The following SNTG2 variants were observed in gnomAD, a reference collection of about 807,000 sequenced individuals.
SNTG2 encodes gamma-2-syntrophin.
A neutral mutation model predicts 70.9 loss-of-function variants in SNTG2; 74 were observed. The ratio of observed to expected loss-of-function variants is 1.04; its 90% CI spans 0.86 to 1.27. The LOEUF is 1.27. Among genes scored for constraint, SNTG2 ranks in the 50% most tolerant of loss-of-function variants. The pLI is 0.00. For synonymous variants in SNTG2, 278 were observed against 273.8 expected, an observed-to-expected ratio of 1.02 and a Z score of -0.15; for missense variants, 717 against 690.7, an observed-to-expected ratio of 1.04 and a Z score of -0.43.
At chr2:1,295,577 G>A (rs945297185) in intron 14 of SNTG2, among the ~76,000 whole-genome samples, 1 of 152,212 alleles carries the variant, frequency 6.6e-6, no homozygotes, top group Non-Finnish European at 1.5e-5. Context: ...CCAATGTTTG[G>A]GTGGGAGGGG....
intron 15 of SNTG2, among the ~76,000 whole-genome samples, chr2:1,310,744 A>T (rs1054304829): frequency 2.6e-5 from 4 of 152,174 alleles, no homozygotes; most frequent in African/African-American, 9.7e-5. Flanking sequence ...ACAGTCAGGC[A>T]GAGCCGGGCT....
rs536497919 is a variant in SNTG2, at chr2:1,213,300, G to A, written c.719+4070G>A. On this transcript the variant is annotated intron_variant, in intron 9 of 16. Transcript: ENST00000308624. ...CTTACTCACTTAACATCATTGATTG[G>A]TCCTCAGAAACTGCAACTTGGAGTG... Among the ~76,000 whole-genome samples, 22 of 152,208 alleles carry A rather than the reference G, an allele frequency of 1.4e-4. 1 individual carries two copies. The South Asian group carries it at 4.4e-3, about 30-fold the overall frequency.
intron 16 of SNTG2, among the ~76,000 whole-genome samples, chr2:1,351,574 A>G (rs1284136245): frequency 6.6e-6 from 1 of 152,042 alleles, no homozygotes; most frequent in African/African-American, 2.4e-5. Context: ...TGACCCAACA[A>G]CTTCCAAATA....
intron 1 of SNTG2, among the ~76,000 whole-genome samples, chr2:1,053,013 AT>A (rs1235198630): frequency 6.6e-6 from 1 of 152,184 alleles, no homozygotes; most frequent in Non-Finnish European, 1.5e-5. Context: ...ATTTTCTGTT[AT>A]CTTTTTCTGG....
At chr2:1,190,495 C>CTATATATA (rs72001718) in intron 8 of SNTG2, among the ~76,000 whole-genome samples, 43 of 90,786 alleles carry the variant, frequency 4.7e-4, no homozygotes, top group Non-Finnish European at 5.1e-4. Flanking sequence ...GGAGGGCTGA[C>CTATATATA]TATATATATA....
At position 1,159,842 on chromosome 2, in the gene SNTG2, G is replaced by A. The variant is rs574518544; in HGVS notation, c.412-5706G>A. Among the ~76,000 whole-genome samples the A allele has an allele frequency of 2.6e-5, 4 of 152,322 alleles. 1 individual carries two copies. The highest frequency in any genetic ancestry group is 9.6e-5 in the African/African-American group (4 of 41,570). ...CGCAAGATGCAGAGGCCTCTGAAAA[G>A]ACTGATGAAGAAATATTAATTAAAA... On this transcript the variant is annotated intron_variant, in intron 6 of 16. Transcript: ENST00000308624.
chr2:967,930 C>T (rs1660622283), intron 1 of SNTG2, among the ~76,000 whole-genome samples: 1 of 152,000 alleles, frequency 6.6e-6, no homozygotes, highest in South Asian at 2.1e-4. Flanking sequence ...TCAGGAGAGG[C>T]AGGAGAATTG....
chr2:1,050,633 C>CT (rs1242334167), intron 1 of SNTG2, among the ~76,000 whole-genome samples: 1 of 152,172 alleles, frequency 6.6e-6, no homozygotes, highest in Non-Finnish European at 1.5e-5. Flanking sequence ...ATTTCCTTGA[C>CT]TATAGTTGGC....
intron 7 of SNTG2, among the ~76,000 whole-genome samples, chr2:1,171,755 G>A (rs1261016815): frequency 6.6e-6 from 1 of 152,160 alleles, no homozygotes; most frequent in Non-Finnish European, 1.5e-5. Context: ...AAAGGAATAT[G>A]GTATGAAGTG....
intron 6 of SNTG2, among the ~76,000 whole-genome samples, chr2:1,153,269 T>C (rs1295465245): frequency 6.6e-6 from 1 of 152,232 alleles, no homozygotes; most frequent in Admixed American, 6.5e-5. Flanking sequence ...ATCCATTTTT[T>C]TATTATACTT....
At chr2:1,071,527 G>A (rs1663551112) in intron 1 of SNTG2, among the ~76,000 whole-genome samples, 1 of 148,752 alleles carries the variant, frequency 6.7e-6, no homozygotes, top group Non-Finnish European at 1.5e-5. Context: ...GGGAGGGATA[G>A]CACTGGGAGA....
chr2:1,097,686 A>C lies in SNTG2; in HGVS notation c.211-510A>C, dbSNP rs1665485193. On this transcript the variant is annotated intron_variant, in intron 2 of 16. Transcript: ENST00000308624. This position sits in a 1 kb window ranked among gnomAD's most constrained non-coding sequence, Gnocchi z 4.1. ...CAACCTACCCTTAAATATCCCAGAC[A>C]TCTGTGGTCAGAGGACGTGAAAAAA... 6.6e-6 allele frequency among the ~76,000 whole-genome samples: 1 copy of C among 152,084 alleles called. No individual in the cohort carries two copies. Among genetic ancestry groups the C allele is most frequent in the South Asian group, 2.1e-4 (1 of 4,826 alleles).
At chr2:1,095,847 G>A (rs531573504) in intron 2 of SNTG2, among the ~76,000 whole-genome samples, 59 of 152,234 alleles carry the variant, frequency 3.9e-4, no homozygotes, top group African/African-American at 1.3e-3. Flanking sequence ...TTACTATGAC[G>A]TAGATAATTC....
intron 16 of SNTG2, among the ~76,000 whole-genome samples, chr2:1,364,208 C>G (rs572244870): frequency 6.6e-6 from 1 of 151,584 alleles, no homozygotes; most frequent in South Asian, 2.1e-4. Flanking sequence ...TGTCAAACTC[C>G]TAACTTCAGG....
At chr2:1,153,073 G>A (rs780569904) in intron 6 of SNTG2, among the ~76,000 whole-genome samples, 11 of 151,174 alleles carry the variant, frequency 7.3e-5, no homozygotes, top group South Asian at 4.2e-4. Flanking sequence ...GCAGTGAGTC[G>A]AGATCGCACC....
chr2:1,109,102 T>C (rs1666264419), intron 4 of SNTG2, among the ~76,000 whole-genome samples: 1 of 152,030 alleles, frequency 6.6e-6, no homozygotes, highest in Non-Finnish European at 1.5e-5. Flanking sequence ...ACGCTGTCAC[T>C]GGGGCGCAGG....
intron 1 of SNTG2, among the ~76,000 whole-genome samples, chr2:1,012,496 G>A (rs1020974053): frequency 1.1e-4 from 17 of 152,158 alleles, no homozygotes; most frequent in Non-Finnish European, 2.1e-4. Flanking sequence ...GGGGGGTCTG[G>A]AGAGGGATTT....
chr2:978,441 C>CCT, intron 1 of SNTG2, among the ~76,000 whole-genome samples: 1 of 152,152 alleles, frequency 6.6e-6, no homozygotes, highest in Non-Finnish European at 1.5e-5. Flanking sequence ...TAATTATTAT[C>CCT]CAACAAGGAA....
chr2:1,347,288 C>T (rs1244098451), intron 16 of SNTG2, among the ~76,000 whole-genome samples: 2 of 152,124 alleles, frequency 1.3e-5, no homozygotes, highest in African/African-American at 2.4e-5. Flanking sequence ...GTTAGAGCTC[C>T]AGCCAGGGAT....
Sources: gnomAD v4.1 joint callset for allele counts (sites outside exome capture counted in the v4.1 genomes callset) on GRCh38, gnomAD v4.1.1 for gene constraint, Gnocchi (gnomAD v3.1) non-coding constraint, MANE v1.5 for transcripts, NCBI Gene and HGNC (gene_info 2026-07-23, HGNC 2026-07-21) for gene names.